The following IQSEC2 variants were observed in gnomAD, a reference collection of about 807,000 sequenced individuals.
IQSEC2 encodes the protein IQ motif and SEC7 domain-containing protein 2.
A neutral mutation model predicts 74.6 loss-of-function variants in IQSEC2; 6 were observed. The observed-to-expected ratio is 0.08, with a 90% confidence interval of 0.04 to 0.16. The LOEUF (loss-of-function observed/expected upper bound fraction) is 0.16, where lower values mean the gene tolerates loss of function less well. Among genes scored for constraint, IQSEC2 ranks in the 10% least tolerant of loss-of-function variants. The probability of loss-of-function intolerance (pLI) is 1.00; values close to 1 mark genes in which losing one functional copy is unlikely to be tolerated. For missense variants in IQSEC2, 734 were observed against 1,306.2 expected (o/e 0.56, Z 6.75); for synonymous variants, 494 against 544.5 (o/e 0.91, Z 1.29).
At chrX:53,237,606 G>A (rs181871091) in intron 12 of IQSEC2, 1 of 133,361 alleles carries the variant, frequency 7.5e-6, no homozygotes, top group Admixed American at 7.6e-5. Context: ...CCTGGGGGCT[G>A]AGAGGATAGC....
rs782632137 is a variant in IQSEC2 at position 53,238,216 on chromosome X, C to T, written c.3206G>A (p.Arg1069Gln). 2.0e-5 allele frequency: 24 copies of T among 1,208,239 alleles called. No homozygotes were observed. The highest frequency in any genetic ancestry group is 2.5e-5 in the Non-Finnish European group (22 of 894,664). Residue 1069 changes from arginine to glutamine, a missense_variant, in exon 12 of 15, where the codon CGG becomes CAG. Physicochemically the swap from Arg to Gln is conservative, Grantham distance 43. Coordinates refer to ENST00000642864, the MANE Select transcript of IQSEC2 (RefSeq NM_001111125.3). ...IIFNAPSLQDRLRFTSDLRES... is the reference protein window; with the variant it reads ...IIFNAPSLQDQLRFTSDLRES... ...GCGCAGGTCGGATGTAAAGCGCAGC[C>T]GGTCCTGGAGGCTGGGGGCATTGAA...
At chrX:53,246,890 G>A in intron 8 of IQSEC2, 79 bp downstream of exon 8, 1 of 895,957 alleles carries the variant, frequency 1.1e-6, no homozygotes, top group Non-Finnish European at 1.6e-6. Flanking sequence ...AGGAACAGAT[G>A]GGATCTCCTG....
At chrX:53,320,270 C>CCA (rs2146547250) in intron 1 of IQSEC2, 147 bp downstream of exon 1, 1 of 539,876 alleles carries the variant, frequency 1.9e-6, no homozygotes, top group East Asian at 4.0e-5. Context: ...GGGGTGTCGG[C>CCA]TGGATGAGGG....
At chrX:53,247,624 T>C (rs1489885945) in intron 7 of IQSEC2, among the ~76,000 whole-genome samples, 2 of 112,268 alleles carry the variant, frequency 1.8e-5, no homozygotes, top group Non-Finnish European at 3.8e-5. Context: ...AAAGCATTTA[T>C]AGTACAGTAA....
Position 53,291,872 on chromosome X carries a change from T to C in IQSEC2, c.737+23A>G, listed in dbSNP as rs1225146541. Reference sequence around the variant, plus strand: ...AGGCCCTGCCCCATCTCCCAACTAGTACTAAAGAAAGGAGGTACTGACCTG... The same window carrying C: ...AGGCCCTGCCCCATCTCCCAACTAGCACTAAAGAAAGGAGGTACTGACCTG... On this transcript the variant is annotated intron_variant, in intron 2 of 14. Coordinates refer to ENST00000642864, the MANE Select transcript of IQSEC2 (RefSeq NM_001111125.3). The C allele has an allele frequency of 2.6e-6, 3 of 1,150,842 alleles. No homozygotes were observed. The African/African-American group carries it at 5.5e-5, about 21-fold the overall frequency. The allele number at this position is 1,150,842 out of a possible 1,213,427, so 94.8% of individuals were successfully genotyped here.
intron 2 of IQSEC2, among the ~76,000 whole-genome samples, chrX:53,287,901 C>G (rs1556872141): frequency 8.9e-6 from 1 of 111,962 alleles, no homozygotes; most frequent in African/African-American, 3.2e-5. Flanking sequence ...ACCTCCTCCT[C>G]TCTCCCACTG....
chrX:53,292,543 G>C (rs1394166510), intron 1 of IQSEC2, among the ~76,000 whole-genome samples: 2 of 112,192 alleles, frequency 1.8e-5, no homozygotes, highest in African/African-American at 3.2e-5. Flanking sequence ...CAGATGAAGA[G>C]AACGAGGCTG....
At chrX:53,275,323 C>T (rs145461648) in intron 2 of IQSEC2, among the ~76,000 whole-genome samples, 3,468 of 110,411 alleles carry the variant, frequency 0.031, 140 homozygotes, top group African/African-American at 0.11. Flanking sequence ...CCACCAGGCC[C>T]GGCTAATTTT....
Position 53,254,665 on chromosome X carries a change from C to A in IQSEC2, c.1266G>T (p.Arg422=). 1 of 1,210,826 alleles carries A rather than the reference C, an allele frequency of 8.3e-7. No homozygotes were observed. The highest frequency in any genetic ancestry group is 1.1e-6 in the Non-Finnish European group (1 of 894,923). Residue 422 remains arginine, a synonymous_variant, in exon 4 of 15, where the codon CGG becomes CGT. Coordinates refer to ENST00000642864, the MANE Select transcript of IQSEC2 (RefSeq NM_001111125.3). ...GGAGCCCCCGTTCAAGCCGGTGGCT[C>A]CGGGCACCAGCCATGGCACCCTCGT... is the stretch of plus-strand genomic sequence containing the variant. ...SLDEGAMAGA[R]SHRLERGLPY... is the part of the protein sequence containing the mutation.
downstream of IQSEC2, among the ~76,000 whole-genome samples, chrX:53,232,060 G>T (rs1351810097): frequency 9.0e-6 from 1 of 111,501 alleles, no homozygotes; most frequent in Non-Finnish European, 1.9e-5. Context: ...CTTCTCCTGC[G>T]CTAGGCTAAG....
intron 2 of IQSEC2, among the ~76,000 whole-genome samples, chrX:53,261,879 A>G (rs2074574512): frequency 8.9e-6 from 1 of 112,197 alleles, no homozygotes; most frequent in African/African-American, 3.2e-5. Flanking sequence ...TGAGCAGAAT[A>G]AAAATAAACT....
At chrX:53,288,560 C>T (rs1477613809) in intron 2 of IQSEC2, among the ~76,000 whole-genome samples, 1 of 111,814 alleles carries the variant, frequency 8.9e-6, no homozygotes, top group Non-Finnish European at 1.9e-5. Context: ...TCAGGCCCGT[C>T]CTGCCCTCTC....
At chrX:53,313,287 G>A (rs1420235456) in intron 1 of IQSEC2, among the ~76,000 whole-genome samples, 1 of 111,898 alleles carries the variant, frequency 8.9e-6, no homozygotes, top group Non-Finnish European at 1.9e-5. Context: ...TCATGCATCA[G>A]AAAATACAGT....
chrX:53,278,295 C>G (rs1051951127), intron 2 of IQSEC2, among the ~76,000 whole-genome samples: 27 of 111,319 alleles, frequency 2.4e-4, no homozygotes, highest in Non-Finnish European at 4.3e-4. Context: ...CAGGCGTGAG[C>G]CACTGCGCCT....
chrX:53,299,426 C>G (rs897973009), intron 1 of IQSEC2, among the ~76,000 whole-genome samples: 2 of 111,135 alleles, frequency 1.8e-5, no homozygotes, highest in Non-Finnish European at 3.8e-5. Context: ...CTTTTGGAGG[C>G]CTTTTTTTCT....
intron 2 of IQSEC2, among the ~76,000 whole-genome samples, chrX:53,257,519 C>T (rs1436529800): frequency 2.7e-5 from 3 of 111,328 alleles, no homozygotes; most frequent in Non-Finnish European, 5.7e-5. Flanking sequence ...CTCAGCCCAC[C>T]CCCGGCATCC....
chrX:53,284,070 C>T (rs959324917), intron 2 of IQSEC2, among the ~76,000 whole-genome samples: 5 of 110,805 alleles, frequency 4.5e-5, no homozygotes, highest in African/African-American at 1.6e-4. Context: ...AGGCCTCTGT[C>T]GGGGTTTCCG....
intron 4 of IQSEC2, 118 bp from the exon 5 acceptor site, chrX:53,251,292 G>A: frequency 1.3e-6 from 1 of 768,839 alleles, no homozygotes; most frequent in Non-Finnish European, 1.9e-6. Context: ...AGTCTTCCTG[G>A]TAGGTCAGCA....
chrX:53,308,605 G>A (rs1208674173), intron 1 of IQSEC2, among the ~76,000 whole-genome samples: 1 of 111,405 alleles, frequency 9.0e-6, no homozygotes, highest in Non-Finnish European at 1.9e-5. Flanking sequence ...AGATACACAA[G>A]TACAGAACAT....
Sources: allele counts gnomAD v4.1 joint callset (sites outside exome capture counted in the v4.1 genomes callset), GRCh38; gene constraint gnomAD v4.1.1; transcripts MANE v1.5; gene names NCBI Gene and HGNC (gene_info 2026-07-23, HGNC 2026-07-21).